The following ANK1 variants were observed in gnomAD, a reference collection of about 807,000 sequenced individuals.
The protein encoded by ANK1 is ankyrin-1.
In ANK1, 51 loss-of-function variants were observed where a neutral mutation model predicts 210.4. The ratio of observed to expected loss-of-function variants is 0.24; its 90% confidence interval spans 0.19 to 0.31. The LOEUF (loss-of-function observed/expected upper bound fraction) is 0.31. ANK1 is among the 10% of genes least tolerant of loss of function. ANK1 has a pLI of 1.00. For missense variants in ANK1, 2,051 were observed against 2,504.4 expected (o/e 0.82, Z 3.86); for synonymous variants, 967 against 1,025.9 (o/e 0.94, Z 1.10).
chr8:41,703,682 GCACT>G (rs1823729413), intron 20 of ANK1, among the ~76,000 whole-genome samples: 1 of 151,296 alleles, frequency 6.6e-6, no homozygotes, highest in Admixed American at 6.6e-5. Context: ...GTAGATTCAG[GCACT>G]CACTATGTTG....
chr8:41,761,867 C>T (rs1840550350), intron 1 of ANK1, among the ~76,000 whole-genome samples: 1 of 152,132 alleles, frequency 6.6e-6, no homozygotes, highest in Non-Finnish European at 1.5e-5. Flanking sequence ...TGCTGCCCCA[C>T]ACCACCTCCC....
At chr8:41,785,796 G>T (rs1374330992) in intron 1 of ANK1, among the ~76,000 whole-genome samples, 1 of 152,190 alleles carries the variant, frequency 6.6e-6, no homozygotes, top group African/African-American at 2.4e-5. Context: ...CTCCCGCTCA[G>T]AGCCGTCCAT....
chr8:41,867,389 C>T (rs1043988559), intron 1 of ANK1, among the ~76,000 whole-genome samples: 2 of 152,194 alleles, frequency 1.3e-5, no homozygotes, highest in Admixed American at 1.3e-4. Flanking sequence ...CTCACAGTGC[C>T]TGGTTAATAC....
chr8:41,860,224 C>T (rs1813019810), intron 1 of ANK1, among the ~76,000 whole-genome samples: 1 of 152,182 alleles, frequency 6.6e-6, no homozygotes, highest in Non-Finnish European at 1.5e-5. Context: ...AATCTGCAGG[C>T]TAAGAATAGC....
At chr8:41,870,282 A>T (rs757637701) in intron 1 of ANK1, among the ~76,000 whole-genome samples, 1 of 152,172 alleles carries the variant, frequency 6.6e-6, no homozygotes, top group Non-Finnish European at 1.5e-5. Context: ...CTTAAAAAAA[A>T]AAAGAGGTTT....
chr8:41,809,347 T>G (rs1438060724), intron 1 of ANK1, among the ~76,000 whole-genome samples: 1 of 152,232 alleles, frequency 6.6e-6, no homozygotes, highest in Non-Finnish European at 1.5e-5. Flanking sequence ...TTCCATCTTA[T>G]AATCATCATA....
intron 1 of ANK1, among the ~76,000 whole-genome samples, chr8:41,765,117 CTCTT>C (rs988744986): frequency 1.3e-5 from 2 of 151,596 alleles, no homozygotes; most frequent in Non-Finnish European, 2.9e-5. Flanking sequence ...TTCCTTCCTT[CTCTT>C]TTTCTCTCTC....
At chr8:41,869,206 CT>C (rs149827985) in intron 1 of ANK1, among the ~76,000 whole-genome samples, 18,397 of 152,184 alleles carry the variant, frequency 0.12, 1,883 homozygotes, top group African/African-American at 0.27. Flanking sequence ...CCGATGGTCC[CT>C]TCCTTTCCAT....
chr8:41,693,326 G>C, intron 29 of ANK1, 125 bp from the exon 30 acceptor site: 1 of 838,982 alleles, frequency 1.2e-6, no homozygotes. Context: ...TGCAGCCCTG[G>C]GCACCCTACC....
At chr8:41,793,098 C>T (rs921177943) in intron 1 of ANK1, among the ~76,000 whole-genome samples, 7 of 152,178 alleles carry the variant, frequency 4.6e-5, no homozygotes, top group Non-Finnish European at 8.8e-5. Flanking sequence ...AGTCCAGGGC[C>T]GAGTGCGGTG....
chr8:41,878,629 G>T (rs757931367), intron 1 of ANK1, among the ~76,000 whole-genome samples: 3 of 152,202 alleles, frequency 2.0e-5, no homozygotes, highest in Non-Finnish European at 4.4e-5. Context: ...TGAAAATGTG[G>T]AACCCCTCGT....
chr8:41,859,440 G>A (rs1394095598), intron 1 of ANK1, among the ~76,000 whole-genome samples: 8 of 152,148 alleles, frequency 5.3e-5, no homozygotes, highest in African/African-American at 1.2e-4. Context: ...TCCACTTCCC[G>A]GGTTCAAGTG....
intron 1 of ANK1, among the ~76,000 whole-genome samples, chr8:41,878,575 T>C (rs969451695): frequency 6.6e-6 from 1 of 152,236 alleles, no homozygotes; most frequent in Non-Finnish European, 1.5e-5. Flanking sequence ...AAAACGATTT[T>C]ACAGCCAGGA....
At chr8:41,804,717 C>G (rs1850662041) in intron 1 of ANK1, among the ~76,000 whole-genome samples, 2 of 152,110 alleles carry the variant, frequency 1.3e-5, no homozygotes, top group Non-Finnish European at 2.9e-5. Flanking sequence ...AGAACATATT[C>G]CAGATTCTGA....
At chr8:41,670,729 T>G (rs946609569) in intron 38 of ANK1, among the ~76,000 whole-genome samples, 2 of 152,014 alleles carry the variant, frequency 1.3e-5, no homozygotes, top group Admixed American at 6.5e-5. Context: ...GTCACACAGG[T>G]GGGACTGAGG....
chr8:41,825,496 C>T lies in ANK1; in HGVS notation c.127-67359G>A, dbSNP rs904157567. The stretch of plus-strand genomic sequence containing the variant: ...TTGGCCACCAACAGTTCAGTGTTTC[C>T]GCAAGTCTCTTTGTGGCAACTGCCT... On this transcript the variant is annotated intron_variant, in intron 1 of 42. Transcript: ENST00000265709. Among the ~76,000 whole-genome samples the T allele has an allele frequency of 5.3e-5, 8 of 152,194 alleles. No homozygotes were observed. In the East Asian group the frequency reaches 5.8e-4, roughly 11 times the overall value.
intron 1 of ANK1, among the ~76,000 whole-genome samples, chr8:41,786,987 C>T (rs1246675429): frequency 1.3e-5 from 2 of 152,252 alleles, no homozygotes; most frequent in African/African-American, 4.8e-5. Flanking sequence ...TTCCCACACA[C>T]TGAAGTCAGA....
chr8:41,765,910 C>T (rs984612991), intron 1 of ANK1, among the ~76,000 whole-genome samples: 2 of 152,142 alleles, frequency 1.3e-5, no homozygotes, highest in African/African-American at 2.4e-5. Context: ...AGCAGGCAGA[C>T]CCAGGTGAGA....
At chr8:41,783,686 A>G (rs1030100593) in intron 1 of ANK1, among the ~76,000 whole-genome samples, 1 of 152,306 alleles carries the variant, frequency 6.6e-6, no homozygotes, top group African/African-American at 2.4e-5. Context: ...CACCCACACC[A>G]ATCCAAAGGG....
Sources: allele counts gnomAD v4.1 joint callset (sites outside exome capture counted in the v4.1 genomes callset), GRCh38; gene constraint gnomAD v4.1.1; transcripts MANE v1.5; gene names NCBI Gene and HGNC (gene_info 2026-07-23, HGNC 2026-07-21).